CDH13: variants seen among roughly 807,000 people sequenced by gnomAD.
CDH13 encodes cadherin 13.
CDH13 carries 24 observed loss-of-function variants against 63.8 expected under a neutral mutation model. The observed-to-expected ratio is 0.38, with a 90% CI of 0.27 to 0.53. The LOEUF (loss-of-function observed/expected upper bound fraction) is 0.53. Ranked by LOEUF, CDH13 falls within the 20% of genes least tolerant of loss-of-function variation. The probability of loss-of-function intolerance (pLI) is 0.85; values close to 1 mark genes in which losing one functional copy is unlikely to be tolerated. For synonymous variants in CDH13, 503 were observed against 355.3 expected, an observed-to-expected ratio of 1.42 and a Z score of -4.67; for missense variants, 1,049 against 903.1, an observed-to-expected ratio of 1.16 and a Z score of -2.07.
In CDH13 at chr16:83,426,987, C is replaced by T. The variant is rs1316676996; in HGVS notation, c.782-59490C>T. Among the ~76,000 whole-genome samples, 9 of 123,106 alleles carry T rather than the reference C, an allele frequency of 7.3e-5. No individual in the cohort carries two copies. The East Asian group carries it at 1.5e-3, about 20-fold the overall frequency. The allele number at this position is 123,106 out of a possible 152,430, so 80.8% of individuals were successfully genotyped here. A position where few individuals can be genotyped will look rare whatever the true frequency, so the allele number is the denominator to read the frequency against. On this transcript the variant is annotated intron_variant, in intron 6 of 13. Transcript: ENST00000567109. ...TGTCGCCCAGGCTAGAGTGCAGTGG[C>T]GTGATCTCGGCTCACTGCAAGCTCC...
chr16:83,371,938 C>T (rs2091374668), intron 6 of CDH13, among the ~76,000 whole-genome samples: 1 of 152,218 alleles, frequency 6.6e-6, no homozygotes, highest in Non-Finnish European at 1.5e-5. Context: ...GGTAACTAAT[C>T]ATCCCCCGGA....
At chr16:83,068,453 G>A (rs78089282) in intron 3 of CDH13, among the ~76,000 whole-genome samples, 5,178 of 152,170 alleles carry the variant, frequency 0.034, 284 homozygotes, top group African/African-American at 0.12. Flanking sequence ...GTGTGATGAC[G>A]TTCAGGGTTT....
chr16:83,002,050 A>G (rs922369432), intron 2 of CDH13, among the ~76,000 whole-genome samples: 2 of 152,234 alleles, frequency 1.3e-5, no homozygotes, highest in South Asian at 2.1e-4. Context: ...TCAACGTGCC[A>G]TACTGTCTTC....
At chr16:83,741,388 A>G (rs968347260) in intron 10 of CDH13, among the ~76,000 whole-genome samples, 1 of 152,086 alleles carries the variant, frequency 6.6e-6, no homozygotes, top group Non-Finnish European at 1.5e-5. Context: ...TGTATCCTTC[A>G]GCAGGAATAT....
chr16:82,960,540 G>A lies in CDH13; in HGVS notation c.158-71470G>A, dbSNP rs139601307. ...TCTATAAATATGCCCGATGCAAAGC[G>A]TGGCATAGTCACAGGCAAAAGCTAT... On this transcript the variant is annotated intron_variant, in intron 2 of 13. Coordinates refer to ENST00000567109, the MANE Select transcript of CDH13 (RefSeq NM_001257.5). 2.4e-3 allele frequency among the ~76,000 whole-genome samples: 362 copies of A among 152,302 alleles called. 3 individuals are homozygous for A. Among genetic ancestry groups the A allele is most frequent in the African/African-American group, 7.9e-3 (328 of 41,566 alleles).
intron 4 of CDH13, among the ~76,000 whole-genome samples, chr16:83,129,412 G>A (rs1016170613): frequency 6.6e-6 from 1 of 152,216 alleles, no homozygotes; most frequent in Non-Finnish European, 1.5e-5. Flanking sequence ...GTTCATTTCA[G>A]AGGTGGAGGA....
intron 2 of CDH13, among the ~76,000 whole-genome samples, chr16:82,917,706 G>A (rs1292502240): frequency 6.6e-6 from 1 of 152,076 alleles, no homozygotes; most frequent in Non-Finnish European, 1.5e-5. Flanking sequence ...GAGGTCAGGA[G>A]TTTAAGACCA....
chr16:82,670,624 C>A (rs961020992), intron 1 of CDH13, among the ~76,000 whole-genome samples: 1 of 152,134 alleles, frequency 6.6e-6, no homozygotes, highest in East Asian at 1.9e-4. Flanking sequence ...CCAACAGATT[C>A]TCGGAATGAG....
chr16:82,951,801 G>C (rs927916219), intron 2 of CDH13, among the ~76,000 whole-genome samples: 2 of 152,130 alleles, frequency 1.3e-5, no homozygotes, highest in Non-Finnish European at 2.9e-5. Flanking sequence ...TCACACACGG[G>C]CTCAGCTGTT....
At chr16:82,831,409 A>G (rs939701479) in intron 1 of CDH13, among the ~76,000 whole-genome samples, 2 of 151,982 alleles carry the variant, frequency 1.3e-5, no homozygotes, top group Non-Finnish European at 2.9e-5. Flanking sequence ...CATTTTTTTT[A>G]AAGTGCTGGG....
intron 2 of CDH13, among the ~76,000 whole-genome samples, chr16:82,940,730 G>A (rs1370560744): frequency 6.6e-6 from 1 of 152,126 alleles, no homozygotes; most frequent in African/African-American, 2.4e-5. Flanking sequence ...GTGTTGGCAG[G>A]CACATACAGG....
At chr16:83,666,723 AC>A (rs931651468) in intron 8 of CDH13, among the ~76,000 whole-genome samples, 2 of 151,310 alleles carry the variant, frequency 1.3e-5, no homozygotes, top group African/African-American at 2.4e-5. Context: ...GTATGTTCTC[AC>A]CCCCTTCACC....
intron 2 of CDH13, among the ~76,000 whole-genome samples, chr16:82,886,996 A>G (rs1182074940): frequency 1.3e-5 from 2 of 151,952 alleles, no homozygotes; most frequent in Non-Finnish European, 2.9e-5. Context: ...CTTTATCCTT[A>G]TTTTTAAACT....
chr16:82,859,122 T>C (rs1161685825), intron 2 of CDH13: 2 of 152,288 alleles, frequency 1.3e-5, no homozygotes, highest in African/African-American at 2.4e-5. Context: ...AGTGTTAGGG[T>C]ACATTGCTAA....
chr16:82,719,921 C>T (rs1295266797), intron 1 of CDH13, among the ~76,000 whole-genome samples: 1 of 147,124 alleles, frequency 6.8e-6, no homozygotes, highest in Non-Finnish European at 1.5e-5. Context: ...TTCTTGAAAA[C>T]TGTGACTTTC....
At chr16:83,094,512 C>T (rs2034095352) in intron 3 of CDH13, among the ~76,000 whole-genome samples, 1 of 152,120 alleles carries the variant, frequency 6.6e-6, no homozygotes, top group African/African-American at 2.4e-5. Context: ...TCTTATGCCT[C>T]CACATTGACT....
At chr16:83,090,300 G>T (rs1186160615) in intron 3 of CDH13, among the ~76,000 whole-genome samples, 1 of 152,132 alleles carries the variant, frequency 6.6e-6, no homozygotes, top group African/African-American at 2.4e-5. Context: ...TGTGGGCCGG[G>T]CACGGTGGCT....
intron 8 of CDH13, among the ~76,000 whole-genome samples, chr16:83,616,018 C>T (rs984694699): frequency 2.0e-5 from 3 of 152,062 alleles, no homozygotes; most frequent in African/African-American, 4.8e-5. Flanking sequence ...GCAGGTATGC[C>T]GCTGAATGTT....
intron 3 of CDH13, among the ~76,000 whole-genome samples, chr16:83,111,199 C>T (rs901837813): frequency 6.6e-6 from 1 of 151,666 alleles, no homozygotes; most frequent in Non-Finnish European, 1.5e-5. Flanking sequence ...ATAGAAATGG[C>T]AAGGAATAAA....
Sources: allele counts gnomAD v4.1 joint callset (sites outside exome capture counted in the v4.1 genomes callset), GRCh38; gene constraint gnomAD v4.1.1; transcripts MANE v1.5; gene names NCBI Gene and HGNC (gene_info 2026-07-23, HGNC 2026-07-21).